Variants in EYS observed in about 807,000 individuals in gnomAD.
The protein encoded by EYS is protein eyes shut homolog.
Under a neutral mutation model 282.1 loss-of-function variants are expected in EYS, and 250 were observed. The ratio of observed to expected loss-of-function variants is 0.89; its 90% CI spans 0.80 to 0.98. The LOEUF (loss-of-function observed/expected upper bound fraction) is 0.98. Ranked by LOEUF, EYS falls within the 50% of genes least tolerant of loss-of-function variation. The pLI, the probability that EYS is intolerant of heterozygous loss-of-function variation, is 0.00. For synonymous variants in EYS, 1,355 were observed against 1,282.9 expected (o/e 1.06, Z -1.20); for missense variants, 4,016 against 3,709.0 (o/e 1.08, Z -2.15).
At chr6:65,082,992 C>A (rs866512814) in intron 12 of EYS, among the ~76,000 whole-genome samples, 1 of 151,796 alleles carries the variant, frequency 6.6e-6, no homozygotes, top group Non-Finnish European at 1.5e-5. Flanking sequence ...AGGCGAAATA[C>A]TATACTATCT....
At chr6:65,299,791 T>G (rs1258113856) in intron 11 of EYS, among the ~76,000 whole-genome samples, 1 of 152,130 alleles carries the variant, frequency 6.6e-6, no homozygotes, top group Non-Finnish European at 1.5e-5. Context: ...ATTTATTACT[T>G]AATAAAAAAG....
chr6:63,985,142 T>G (rs2149792710), intron 34 of EYS, among the ~76,000 whole-genome samples: 1 of 151,720 alleles, frequency 6.6e-6, no homozygotes, highest in Admixed American at 6.6e-5. Context: ...TTTTGGACAT[T>G]TATAAGGACT....
chr6:64,814,212 G>A (rs1024324458), intron 21 of EYS, among the ~76,000 whole-genome samples: 4 of 152,066 alleles, frequency 2.6e-5, no homozygotes, highest in Non-Finnish European at 5.9e-5. Context: ...GTCTTGTAGA[G>A]TTAGAGGAAT....
chr6:64,055,598 C>T (rs755509964), intron 33 of EYS, among the ~76,000 whole-genome samples: 3 of 152,138 alleles, frequency 2.0e-5, no homozygotes, highest in Non-Finnish European at 2.9e-5. Context: ...GTATACCCTA[C>T]TTGGGCTGTG....
chr6:65,305,969 A>G (rs544488804), intron 11 of EYS, among the ~76,000 whole-genome samples: 1 of 152,218 alleles, frequency 6.6e-6, no homozygotes, highest in African/African-American at 2.4e-5. Context: ...CTGGGGGTAT[A>G]TTGTATACCT....
intron 29 of EYS, among the ~76,000 whole-genome samples, chr6:64,325,506 T>A (rs1019960128): frequency 7.9e-5 from 12 of 152,084 alleles, no homozygotes; most frequent in African/African-American, 2.7e-4. Flanking sequence ...AAAACAAGGC[T>A]CTTTAACACC....
At chr6:64,001,154 C>T (rs987743913) in intron 33 of EYS, among the ~76,000 whole-genome samples, 8 of 152,154 alleles carry the variant, frequency 5.3e-5, no homozygotes, top group Non-Finnish European at 1.2e-4. Flanking sequence ...AACCACTTAA[C>T]CTTTCTTCCC....
chr6:65,120,111 C>T (rs1287723385), intron 12 of EYS, among the ~76,000 whole-genome samples: 6 of 140,152 alleles, frequency 4.3e-5, no homozygotes, highest in Non-Finnish European at 9.2e-5. Flanking sequence ...GAGATCGCGC[C>T]GCTGCACTCC....
intron 28 of EYS, among the ~76,000 whole-genome samples, chr6:64,390,874 G>GA (rs1363901157): frequency 7.0e-6 from 1 of 143,400 alleles, no homozygotes; most frequent in Non-Finnish European, 1.5e-5. Context: ...TGAAAACTTT[G>GA]AAAAAAATTT....
intron 7 of EYS, among the ~76,000 whole-genome samples, chr6:65,389,420 A>G (rs1309725745): frequency 6.6e-6 from 1 of 152,122 alleles, no homozygotes. Context: ...ACAGCTGCAC[A>G]TTCCCTCGCA....
intron 30 of EYS, among the ~76,000 whole-genome samples, chr6:64,301,723 C>G (rs982957204): frequency 6.6e-6 from 1 of 152,124 alleles, no homozygotes; most frequent in African/African-American, 2.4e-5. Flanking sequence ...GCTGATAAAC[C>G]CCTTCAGTTC....
chr6:64,453,868 G>C (rs1471134287), intron 26 of EYS, among the ~76,000 whole-genome samples: 1 of 152,064 alleles, frequency 6.6e-6, no homozygotes, highest in South Asian at 2.1e-4. Flanking sequence ...GGCGTGGGGG[G>C]AGTGGGGAGG....
At chr6:65,512,628 A>C (rs979067200) in intron 2 of EYS, among the ~76,000 whole-genome samples, 3 of 152,152 alleles carry the variant, frequency 2.0e-5, no homozygotes, top group Admixed American at 1.3e-4. Flanking sequence ...ACTCAGGATT[A>C]AGAAACTCAC....
rs112382961 is a variant in EYS, at chr6:64,915,557, A to G, written c.2382-2814T>C. 4.3e-3 allele frequency among the ~76,000 whole-genome samples: 661 copies of G among 152,220 alleles called. 2 individuals carry two copies. Among genetic ancestry groups the G allele is most frequent in the African/African-American group, 0.015 (629 of 41,562 alleles). ...AATAAAAAGTATATATAGTGCCTGG[A>G]ATCTGCATTGCCTGGCCACCTACAC... On this transcript the variant is annotated intron_variant, in intron 15 of 42. Coordinates refer to ENST00000503581, the MANE Select transcript of EYS (RefSeq NM_001142800.2).
At chr6:64,434,031 T>C (rs1774655734) in intron 28 of EYS, among the ~76,000 whole-genome samples, 1 of 152,040 alleles carries the variant, frequency 6.6e-6, no homozygotes, top group South Asian at 2.1e-4. Flanking sequence ...AGAATGTGAC[T>C]ATATTTGGAA....
At chr6:65,603,625 A>G (rs1399493206) in intron 2 of EYS, among the ~76,000 whole-genome samples, 3 of 152,016 alleles carry the variant, frequency 2.0e-5, no homozygotes, top group Non-Finnish European at 4.4e-5. Context: ...AAGAGGTCCT[A>G]CATAAGTACT....
At chr6:64,717,532 G>A (rs1256507852) in intron 22 of EYS, among the ~76,000 whole-genome samples, 1 of 152,216 alleles carries the variant, frequency 6.6e-6, no homozygotes. Flanking sequence ...GTGATAGGGA[G>A]TAGCTGTACA....
chr6:65,535,199 C>A (rs1767918301), intron 2 of EYS, among the ~76,000 whole-genome samples: 1 of 152,082 alleles, frequency 6.6e-6, no homozygotes, highest in Non-Finnish European at 1.5e-5. Flanking sequence ...CAGGAATGCC[C>A]ATGTAGTTCC....
At chr6:65,507,671 A>G (rs1053165819) in intron 2 of EYS, among the ~76,000 whole-genome samples, 15 of 152,090 alleles carry the variant, frequency 9.9e-5, no homozygotes, top group African/African-American at 3.1e-4. Flanking sequence ...TTCTGTTGAT[A>G]TATTTTCAAG....
Sources: allele counts gnomAD v4.1 joint callset (sites outside exome capture counted in the v4.1 genomes callset), GRCh38; gene constraint gnomAD v4.1.1; transcripts MANE v1.5; gene names NCBI Gene and HGNC (gene_info 2026-07-23, HGNC 2026-07-21).